LRRC49: variants seen among roughly 807,000 people sequenced by gnomAD.
LRRC49 encodes leucine rich repeat containing 49.
A neutral mutation model predicts 83.3 loss-of-function variants in LRRC49; 50 were observed. That is an observed-to-expected ratio of 0.60 (90% CI 0.48 to 0.76). LRRC49 has a LOEUF of 0.76. Ranked by LOEUF, LRRC49 falls within the 30% of genes least tolerant of loss-of-function variation. The pLI is 0.00. For synonymous variants in LRRC49, 286 were observed against 283.3 expected (o/e 1.01, Z -0.10); for missense variants, 704 against 809.1 (o/e 0.87, Z 1.58).
At chr15:71,022,169 T>G (rs2039014594) in intron 14 of LRRC49, among the ~76,000 whole-genome samples, 2 of 152,150 alleles carry the variant, frequency 1.3e-5, no homozygotes. Context: ...GGTCAGGAGT[T>G]CAAGACCAGC....
chr15:70,882,689 T>C (rs1448116422), intron 2 of LRRC49: 2 of 1,611,558 alleles, frequency 1.2e-6, no homozygotes, highest in Middle Eastern at 1.7e-4. Context: ...GAGTTAGACT[T>C]TGCTTTTCAT....
intron 1 of LRRC49, chr15:70,858,892 TG>T: frequency 1.3e-6 from 1 of 763,906 alleles, no homozygotes; most frequent in Non-Finnish European, 2.4e-6. Flanking sequence ...GCCAGTGGTA[TG>T]GGAGGCATCA....
chr15:70,943,011 G>A (rs979661731), intron 8 of LRRC49, among the ~76,000 whole-genome samples: 4 of 151,786 alleles, frequency 2.6e-5, no homozygotes, highest in African/African-American at 9.7e-5. Flanking sequence ...TTTTTTTCTC[G>A]TTAATATATG....
At chr15:70,948,529 G>T (rs1419060454) in intron 8 of LRRC49, among the ~76,000 whole-genome samples, 2 of 134,278 alleles carry the variant, frequency 1.5e-5, no homozygotes, top group Non-Finnish European at 3.2e-5. Flanking sequence ...GGGAACAAAA[G>T]AGGGATGTAA....
At chr15:71,020,152 A>T (rs1289682098) in intron 14 of LRRC49, among the ~76,000 whole-genome samples, 4 of 152,198 alleles carry the variant, frequency 2.6e-5, no homozygotes, top group Non-Finnish European at 5.9e-5. Context: ...AAAAGAAATT[A>T]TATAAATGAA....
chr15:70,912,520 A>C (rs142064527), intron 6 of LRRC49, among the ~76,000 whole-genome samples: 11 of 152,120 alleles, frequency 7.2e-5, no homozygotes, highest in African/African-American at 2.6e-4. Flanking sequence ...GATTTGTCAG[A>C]CTTCTTAATT....
At chr15:70,960,743 AAT>A (rs550242134) in intron 8 of LRRC49, among the ~76,000 whole-genome samples, 59 of 152,338 alleles carry the variant, frequency 3.9e-4, no homozygotes, top group African/African-American at 1.4e-3. Context: ...GAAAAAAAGG[AAT>A]ATAGACATGG....
intron 11 of LRRC49, among the ~76,000 whole-genome samples, chr15:71,001,170 G>C (rs186367855): frequency 1.1e-3 from 160 of 152,098 alleles, no homozygotes; most frequent in African/African-American, 3.7e-3. Flanking sequence ...TATTATACCT[G>C]TAATTGATTT....
chr15:70,866,307 T>C (rs2178277), intron 1 of LRRC49, among the ~76,000 whole-genome samples: 82,911 of 151,610 alleles, frequency 0.55, 23,441 homozygotes, highest in Admixed American at 0.7. Flanking sequence ...CCACCATGCC[T>C]GGCTAATTTT....
chr15:70,859,717 C>T (rs1256592504), intron 1 of LRRC49: 12 of 688,020 alleles, frequency 1.7e-5, no homozygotes, highest in Non-Finnish European at 2.5e-5. Context: ...AGGCCACCAT[C>T]GCAGATGTGG....
rs561292703 is a variant in LRRC49 at position 71,026,782 on chromosome 15, G to A, written c.1704-10397G>A. On this transcript the variant is annotated intron_variant, in intron 14 of 15. Coordinates refer to ENST00000260382, the MANE Select transcript of LRRC49 (RefSeq NM_017691.5). ...TCATATCCTTCACCCACTTTTTGAT[G>A]GGGTTGTTTGTTTTTTTCTTGTAAA... Among the ~76,000 whole-genome samples, 68 of 152,076 alleles carry A rather than the reference G, an allele frequency of 4.5e-4. No individual in the cohort carries two copies. In the Middle Eastern group the frequency reaches 0.014, roughly 30 times the overall value.
rs989054650 is a variant in LRRC49, at chr15:70,971,414, C to T, written c.921+7482C>T. 7.2e-5 allele frequency among the ~76,000 whole-genome samples: 11 copies of T among 152,034 alleles called. No homozygotes were observed. The East Asian group carries it at 1.3e-3, about 19-fold the overall frequency. The stretch of plus-strand genomic sequence containing the variant: ...TATGCGGTTGATTTTAGAATAAGTA[C>T]GATGTGGTGCTGAGAAGACTGTATA... On this transcript the variant is annotated intron_variant, in intron 9 of 15. Transcript: ENST00000260382.
At chr15:70,921,843 C>T (rs1225913245) in intron 7 of LRRC49, among the ~76,000 whole-genome samples, 1 of 152,124 alleles carries the variant, frequency 6.6e-6, no homozygotes, top group Non-Finnish European at 1.5e-5. Flanking sequence ...ACAAATGCAA[C>T]CTACTTACCG....
chr15:70,989,070 T>C (rs1310310107), intron 11 of LRRC49, among the ~76,000 whole-genome samples: 7 of 152,198 alleles, frequency 4.6e-5, no homozygotes, highest in Admixed American at 4.6e-4. Context: ...GTGCTTAACA[T>C]TTTTTCCTTC....
intron 1 of LRRC49, among the ~76,000 whole-genome samples, chr15:70,854,993 C>T (rs905793154): frequency 8.5e-5 from 13 of 152,124 alleles, no homozygotes; most frequent in African/African-American, 3.1e-4. Flanking sequence ...TGAGTTCCAT[C>T]TCACCTCTCC....
At chr15:71,048,930 G>C (rs1367111725) in intron 15 of LRRC49, 2 of 437,712 alleles carry the variant, frequency 4.6e-6, no homozygotes, top group African/African-American at 4.1e-5. Context: ...TCAGTGTAGT[G>C]TACCATTTTA....
At chr15:70,901,078 G>A in intron 4 of LRRC49, 54 bp downstream of exon 4, 1 of 1,007,364 alleles carries the variant, frequency 9.9e-7, no homozygotes, top group Non-Finnish European at 1.5e-6. Context: ...ACATAGACGT[G>A]GTACAAGACT....
At chr15:70,990,953 G>T (rs1317069828) in intron 11 of LRRC49, among the ~76,000 whole-genome samples, 2 of 152,200 alleles carry the variant, frequency 1.3e-5, no homozygotes, top group Non-Finnish European at 2.9e-5. Flanking sequence ...GTAGGTAGTT[G>T]TTTCATGTGT....
At chr15:70,907,724 T>C (rs1017636052) in intron 5 of LRRC49, 2 of 284,568 alleles carry the variant, frequency 7.0e-6, no homozygotes, top group East Asian at 8.1e-5. Flanking sequence ...TAACATAATG[T>C]GGCCTGCGGA....
Sources: gnomAD v4.1 joint callset for allele counts (sites outside exome capture counted in the v4.1 genomes callset) on GRCh38, gnomAD v4.1.1 for gene constraint, MANE v1.5 for transcripts, NCBI Gene and HGNC (gene_info 2026-07-23, HGNC 2026-07-21) for gene names.